ACOT11: variants seen among roughly 807,000 people sequenced by gnomAD.
ACOT11 encodes acyl-CoA thioesterase 11.
ACOT11 carries 69 observed loss-of-function variants against 77.5 expected under a neutral mutation model. That is an observed-to-expected ratio of 0.89 (90% CI 0.73 to 1.09). The LOEUF is 1.09. ACOT11 is among the 50% of genes least tolerant of loss of function. ACOT11 has a pLI of 0.00. For missense variants in ACOT11, 766 were observed against 813.7 expected (o/e 0.94, Z 0.71); for synonymous variants, 279 against 313.0 (o/e 0.89, Z 1.15).
At chr1:54,618,037 C>A (rs951286500) in intron 15 of ACOT11, among the ~76,000 whole-genome samples, 3 of 151,652 alleles carry the variant, frequency 2.0e-5, no homozygotes, top group Admixed American at 6.6e-5. Flanking sequence ...CGAGATTCTG[C>A]ATTTTTAACA....
intron 16 of ACOT11, among the ~76,000 whole-genome samples, chr1:54,632,232 C>G (rs1307363896): frequency 6.6e-6 from 1 of 152,200 alleles, no homozygotes; most frequent in African/African-American, 2.4e-5. Flanking sequence ...CGTCCCGGGC[C>G]CCGCTCTAAA....
intron 15 of ACOT11, among the ~76,000 whole-genome samples, chr1:54,625,597 TAA>T (rs1044824269): frequency 1.3e-5 from 2 of 152,088 alleles, no homozygotes; most frequent in Non-Finnish European, 2.9e-5. Context: ...ACTCTACAGT[TAA>T]AGTCTAGAGG....
chr1:54,551,779 A>G (rs1653079730), intron 1 of ACOT11, among the ~76,000 whole-genome samples: 2 of 148,736 alleles, frequency 1.3e-5, no homozygotes, highest in South Asian at 4.2e-4. Context: ...TTTGAGATGG[A>G]GTCTCATTCT....
At chr1:54,614,943 T>A, downstream of ACOT11, 7 of 525,102 alleles carry the variant, frequency 1.3e-5, no homozygotes, top group Non-Finnish European at 1.9e-5. Flanking sequence ...AGAGCGGGTG[T>A]GTGTGTGTGT....
intron 15 of ACOT11, among the ~76,000 whole-genome samples, chr1:54,625,778 A>C (rs926980948): frequency 6.6e-6 from 1 of 151,496 alleles, no homozygotes; most frequent in East Asian, 1.9e-4. Flanking sequence ...TCTCTACTAA[A>C]AAATACAAAA....
downstream of ACOT11, chr1:54,614,941 T>TGTGTGG: frequency 2.0e-6 from 1 of 498,836 alleles, no homozygotes; most frequent in Non-Finnish European, 2.8e-6. Flanking sequence ...GCAGAGCGGG[T>TGTGTGG]GTGTGTGTGT....
chr1:54,589,854 C>T (rs1472283398), intron 3 of ACOT11, among the ~76,000 whole-genome samples: 2 of 151,996 alleles, frequency 1.3e-5, no homozygotes, highest in African/African-American at 4.8e-5. Flanking sequence ...ATAGGGAGGC[C>T]GAGGTGGACA....
At position 54,609,016 on chromosome 1, in the gene ACOT11, C is replaced by T. The variant is rs75828911; in HGVS notation, c.1689C>T (p.Ala563=). 2.2e-3 allele frequency: 3,514 copies of T among 1,609,226 alleles called. 66 individuals carry two copies. The African/African-American group carries it at 0.042, about 19-fold the overall frequency. ...GVLNYVTTNV[A]GLSSEFYTTF... is the part of the protein sequence containing the mutation. ...TCAACTATGTGACCACCAACGTGGC[C>T]GGCCTCTCCTCTGAGTTCTACACCA... Residue 563 remains alanine (A), a synonymous_variant, in exon 16 of 16, where the codon GCC becomes GCT. Transcript: ENST00000343744.
downstream of ACOT11, chr1:54,611,824 T>C: frequency 6.4e-7 from 1 of 1,559,160 alleles, no homozygotes; most frequent in Non-Finnish European, 8.8e-7. Flanking sequence ...CAGAACTGGA[T>C]GTCAGCTGGG....
intron 6 of ACOT11, among the ~76,000 whole-genome samples, chr1:54,595,068 C>T (rs1197254867): frequency 1.3e-5 from 2 of 152,044 alleles, no homozygotes; most frequent in African/African-American, 2.4e-5. Flanking sequence ...ATATATAGGC[C>T]GGGCGTGGTG....
intron 1 of ACOT11, among the ~76,000 whole-genome samples, chr1:54,551,225 A>AG (rs1397472636): frequency 1.3e-5 from 2 of 151,954 alleles, no homozygotes; most frequent in African/African-American, 2.4e-5. Flanking sequence ...GGAACAGAAG[A>AG]GGGGGTCTCA....
chr1:54,618,228 G>A (rs536246663), intron 15 of ACOT11, among the ~76,000 whole-genome samples: 28 of 152,284 alleles, frequency 1.8e-4, no homozygotes, highest in African/African-American at 6.7e-4. Context: ...CCTCAGCCGG[G>A]CGCGGTGGCT....
At chr1:54,553,768 T>G (rs1653155213) in intron 1 of ACOT11, among the ~76,000 whole-genome samples, 1 of 152,186 alleles carries the variant, frequency 6.6e-6, no homozygotes, top group Non-Finnish European at 1.5e-5. Flanking sequence ...CAACAACCCC[T>G]GCCTCTGATA....
At chr1:54,567,575 G>T (rs943681649) in intron 1 of ACOT11, among the ~76,000 whole-genome samples, 2 of 152,034 alleles carry the variant, frequency 1.3e-5, no homozygotes, top group African/African-American at 4.8e-5. Flanking sequence ...CACTGTGCCT[G>T]GCCTTTTTTC....
At chr1:54,594,747 C>T (rs945384314) in intron 6 of ACOT11, 56 bp downstream of exon 6, 2 of 1,557,044 alleles carry the variant, frequency 1.3e-6, no homozygotes, top group African/African-American at 1.4e-5. Context: ...CATGGCCCCT[C>T]TGCCCCGGGC....
At chr1:54,592,305 G>T (rs1228256690) in intron 3 of ACOT11, among the ~76,000 whole-genome samples, 1 of 152,170 alleles carries the variant, frequency 6.6e-6, no homozygotes, top group Non-Finnish European at 1.5e-5. Flanking sequence ...GAACGGGGGA[G>T]CAGATGAGTG....
At position 54,622,548 on chromosome 1, in the gene ACOT11, G is replaced by A. The variant is rs140322751; in HGVS notation, c.1630-8186G>A. Among the ~76,000 whole-genome samples the A allele has an allele frequency of 3.1e-3, 473 of 151,166 alleles. 4 individuals carry two copies. The highest frequency in any genetic ancestry group is 0.01 in the African/African-American group (426 of 41,104). ...AGCCAAGATCACACTCCAGCCTGGC[G>A]ACAGAGAGAGACTCCGTTTCAAAAA... is the stretch of plus-strand genomic sequence containing the variant. On this transcript the variant is annotated intron_variant, in intron 15 of 16. Transcript: ENST00000371316.
chr1:54,606,290 G>C (rs552647365), intron 13 of ACOT11, among the ~76,000 whole-genome samples: 1 of 152,306 alleles, frequency 6.6e-6, no homozygotes, highest in East Asian at 1.9e-4. Flanking sequence ...GGCCTTGAAG[G>C]CCAGACCAAA....
intron 1 of ACOT11, among the ~76,000 whole-genome samples, chr1:54,562,786 C>T (rs1342102045): frequency 6.8e-5 from 6 of 87,826 alleles, no homozygotes; most frequent in South Asian, 9.1e-4. Flanking sequence ...GGGGCAGAGG[C>T]GCTCCCCACA....
Sources: gnomAD v4.1 joint callset for allele counts (sites outside exome capture counted in the v4.1 genomes callset) on GRCh38, gnomAD v4.1.1 for gene constraint, MANE v1.5 for transcripts, NCBI Gene and HGNC (gene_info 2026-07-23, HGNC 2026-07-21) for gene names.